BMPR2: variants seen among roughly 807,000 people sequenced by gnomAD.
BMPR2 encodes the protein bone morphogenetic protein receptor type 2, also known as bone morphogenetic protein receptor type-2.
BMPR2 carries 29 observed loss-of-function variants against 100.8 expected under a neutral mutation model. That is an observed-to-expected ratio of 0.29 (90% CI 0.21 to 0.39). The LOEUF (loss-of-function observed/expected upper bound fraction) is 0.39. BMPR2 is among the 10% of genes least tolerant of loss of function. BMPR2 has a pLI of 1.00. For missense variants in BMPR2, 1,011 were observed against 1,274.5 expected, an observed-to-expected ratio of 0.79 and a Z score of 3.15; for synonymous variants, 382 against 442.3, an observed-to-expected ratio of 0.86 and a Z score of 1.71.
intron 1 of BMPR2, among the ~76,000 whole-genome samples, chr2:202,424,898 A>G (rs1017041958): frequency 2.0e-5 from 3 of 152,212 alleles, no homozygotes; most frequent in African/African-American, 7.2e-5. Context: ...ATGTTAAAAT[A>G]ACTTTTAAGA....
intron 3 of BMPR2, among the ~76,000 whole-genome samples, chr2:202,485,521 T>A (rs1169457411): frequency 6.9e-6 from 1 of 144,150 alleles, no homozygotes; most frequent in Non-Finnish European, 1.5e-5. Context: ...TCTCTATGTG[T>A]CTCAAATCTC....
At chr2:202,489,035 C>A (rs892018472) in intron 3 of BMPR2, among the ~76,000 whole-genome samples, 11 of 140,462 alleles carry the variant, frequency 7.8e-5, no homozygotes, top group Non-Finnish European at 1.5e-5. Flanking sequence ...GAGTTTTGCT[C>A]TTGTCGCCCA....
At chr2:202,548,950 C>A (rs1301746212) in intron 10 of BMPR2, among the ~76,000 whole-genome samples, 1 of 151,900 alleles carries the variant, frequency 6.6e-6, no homozygotes, top group Non-Finnish European at 1.5e-5. Flanking sequence ...ATGTATACAC[C>A]CATAAAACCA....
At chr2:202,395,930 T>TC (rs987808409) in intron 1 of BMPR2, among the ~76,000 whole-genome samples, 2 of 151,382 alleles carry the variant, frequency 1.3e-5, no homozygotes, top group African/African-American at 4.9e-5. Context: ...AGAGTGAAAC[T>TC]CCATCTCAAA....
At chr2:202,433,253 ATAGGTAGG>A (rs549164375) in intron 1 of BMPR2, among the ~76,000 whole-genome samples, 7 of 150,434 alleles carry the variant, frequency 4.7e-5, no homozygotes, top group Non-Finnish European at 7.4e-5. Context: ...GAGTAAGTAG[ATAGGTAGG>A]TAGGTAGGTA....
At chr2:202,441,017 G>T (rs1691729083) in intron 1 of BMPR2, among the ~76,000 whole-genome samples, 2 of 150,298 alleles carry the variant, frequency 1.3e-5, no homozygotes, top group South Asian at 4.2e-4. Flanking sequence ...TCTTGCTCTG[G>T]TCACCCAGGC....
Position 202,555,311 on chromosome 2 carries a change from C to T in BMPR2, c.1646C>T (p.Ser549Phe), listed in dbSNP as rs868670409. The T allele has an allele frequency of 6.2e-7, 1 of 1,614,048 alleles. No homozygotes were observed. The highest frequency in any genetic ancestry group is 1.3e-5 in the African/African-American group (1 of 74,918). The change falls in exon 12 of 13, where the codon TCC (serine) becomes TTC (phenylalanine). Residue 549 changes from serine to phenylalanine, a missense_variant. Physicochemically the swap from Ser to Phe is radical, Grantham distance 155 (BLOSUM62 -2). Around this residue, in one of 6 missense-constraint regions of BMPR2, gnomAD observed 508 missense variants for 552.0 expected, o/e 0.92. Transcript: ENST00000374580. ...GGTCCTTATCCAGATTATTCTTCCT[C>T]CTCATACATTGAAGACTCTATCCAT... ...KIGPYPDYSS[S>F]SYIEDSIHHT...
chr2:202,464,699 C>CT (rs1692284088), intron 1 of BMPR2, 110 bp from the exon 2 acceptor site: 1 of 1,036,816 alleles, frequency 9.6e-7, no homozygotes, highest in African/African-American at 1.6e-5. Flanking sequence ...GATTTCAGTT[C>CT]AAATAATTTA....
At chr2:202,394,250 C>A (rs1363330740) in intron 1 of BMPR2, among the ~76,000 whole-genome samples, 1 of 151,834 alleles carries the variant, frequency 6.6e-6, no homozygotes, top group Non-Finnish European at 1.5e-5. Flanking sequence ...TACTTGGAGG[C>A]TGAGGCAGGA....
At chr2:202,451,746 T>TCTG (rs1214125310) in intron 1 of BMPR2, among the ~76,000 whole-genome samples, 1 of 152,086 alleles carries the variant, frequency 6.6e-6, no homozygotes, top group Non-Finnish European at 1.5e-5. Flanking sequence ...TGTTTTGTTT[T>TCTG]TTGTTGTTGT....
At chr2:202,397,019 ACTCCCAGC>A (rs1172346899) in intron 1 of BMPR2, among the ~76,000 whole-genome samples, 1 of 151,716 alleles carries the variant, frequency 6.6e-6, no homozygotes, top group East Asian at 1.9e-4. Flanking sequence ...CTGGTCTCGA[ACTCCCAGC>A]CTCAGGTGAT....
intron 10 of BMPR2, 136 bp downstream of exon 10, chr2:202,542,583 A>T: frequency 8.7e-7 from 1 of 1,149,170 alleles, no homozygotes; most frequent in Middle Eastern, 2.9e-4. Flanking sequence ...CTTGATTTTT[A>T]TGATGTTTTC....
intron 3 of BMPR2, among the ~76,000 whole-genome samples, chr2:202,510,177 G>T (rs1001384743): frequency 6.6e-6 from 1 of 152,152 alleles, no homozygotes; most frequent in Admixed American, 6.5e-5. Context: ...CCAGCACTTT[G>T]GGAGGCCAAG....
chr2:202,452,370 TTGA>T (rs1263428326), intron 1 of BMPR2, among the ~76,000 whole-genome samples: 5 of 152,380 alleles, frequency 3.3e-5, no homozygotes, highest in African/African-American at 1.2e-4. Context: ...TCACATTTTG[TTGA>T]TCACCAATTT....
intron 4 of BMPR2, 79 bp downstream of exon 4, chr2:202,513,908 A>G (rs1310584872): frequency 1.7e-6 from 2 of 1,153,258 alleles, no homozygotes; most frequent in East Asian, 2.4e-5. Context: ...TAAATTCCGT[A>G]TGTTAAAAAA....
chr2:202,408,149 A>G (rs1310926745), intron 1 of BMPR2, among the ~76,000 whole-genome samples: 1 of 152,222 alleles, frequency 6.6e-6, no homozygotes, highest in Non-Finnish European at 1.5e-5. Context: ...TCAGGATTTC[A>G]TAAAGAAAAC....
intron 3 of BMPR2, among the ~76,000 whole-genome samples, chr2:202,498,586 G>A (rs148783419): frequency 0.034 from 5,178 of 152,240 alleles, 297 homozygotes; most frequent in African/African-American, 0.12. Flanking sequence ...CTTGGGCAGG[G>A]GGAGAAACAA....
At position 202,564,430 on chromosome 2, in the gene BMPR2, G is replaced by C. The variant is rs1688725282; in HGVS notation, c.*4484G>C. On this transcript the variant is annotated 3_prime_UTR_variant, in exon 13 of 13. Transcript: ENST00000374580. ...ATCTAGACCAGTCATTCTGGAAATTGTAACACTCCCACATAAACCCCAGGA... is the reference window on the plus strand; with the variant it reads ...ATCTAGACCAGTCATTCTGGAAATTCTAACACTCCCACATAAACCCCAGGA... 6.6e-6 allele frequency: 1 copy of C among 152,152 alleles called. No homozygotes were observed. Among genetic ancestry groups the C allele is most frequent in the African/African-American group, 2.4e-5 (1 of 41,450 alleles). The allele number at this position is 152,152 out of a possible 1,614,324, so 9.4% of individuals were successfully genotyped here.
At chr2:202,513,675 C>G (rs761580988) in intron 3 of BMPR2, 44 bp from the exon 4 acceptor site, 6 of 1,471,186 alleles carry the variant, frequency 4.1e-6, no homozygotes, top group Non-Finnish European at 5.7e-6. Flanking sequence ...TAACAAAATA[C>G]TTTTTTAAAA....
Sources: allele counts gnomAD v4.1 joint callset (sites outside exome capture counted in the v4.1 genomes callset), GRCh38; gene constraint gnomAD v4.1.1; regional missense constraint gnomAD v4.1.1; transcripts MANE v1.5; gene names NCBI Gene and HGNC (gene_info 2026-07-23, HGNC 2026-07-21).